Variants in SNX9 observed in about 807,000 individuals in gnomAD.
SNX9 encodes sorting nexin 9, also known as sorting nexin-9.
Under a neutral mutation model 89.4 loss-of-function variants are expected in SNX9, and 44 were observed. The ratio of observed to expected loss-of-function variants is 0.49; its 90% CI spans 0.39 to 0.63. The LOEUF (loss-of-function observed/expected upper bound fraction) is 0.63, where lower values mean the gene tolerates loss of function less well. Ranked by LOEUF, SNX9 falls within the 30% of genes least tolerant of loss-of-function variation. SNX9 has a pLI of 0.00. For synonymous variants in SNX9, 236 were observed against 247.8 expected (o/e 0.95, Z 0.45); for missense variants, 578 against 736.1 (o/e 0.79, Z 2.49).
chr6:157,862,283 G>A (rs1191384274), intron 1 of SNX9, among the ~76,000 whole-genome samples: 2 of 152,134 alleles, frequency 1.3e-5, no homozygotes, highest in Non-Finnish European at 2.9e-5. Flanking sequence ...AGTAAGTTCT[G>A]TTTCTTCTGA....
intron 1 of SNX9, among the ~76,000 whole-genome samples, chr6:157,867,060 C>T (rs113608889): frequency 4.0e-4 from 61 of 152,010 alleles, no homozygotes; most frequent in Non-Finnish European, 7.5e-4. Context: ...GCAATCCTCC[C>T]GCCTCAGTTT....
rs1395439248 is a variant in SNX9, at chr6:157,931,271, A to ACC, written c.1289-923_1289-922insCC. 5.3e-5 allele frequency among the ~76,000 whole-genome samples: 8 copies of ACC among 151,216 alleles called. No individual in the cohort carries two copies. The South Asian group carries it at 1.7e-3, about 31-fold the overall frequency. ...ACAGGGGTACAATTTATTAAAATTA[A>ACC]CTGAGCTCGTGTAATTTGGATTCAT... On this transcript the variant is annotated intron_variant, in intron 12 of 17. Coordinates refer to ENST00000392185, the MANE Select transcript of SNX9 (RefSeq NM_016224.5).
At chr6:157,928,181 G>T (rs901380918) in intron 11 of SNX9, among the ~76,000 whole-genome samples, 19 of 152,250 alleles carry the variant, frequency 1.2e-4, no homozygotes, top group African/African-American at 4.3e-4. Context: ...GTATCTTTAG[G>T]ATCACTTAGG....
chr6:157,844,587 G>GTTTTTTTGTTTTGTTTTTTTT (rs1554291784), intron 1 of SNX9, among the ~76,000 whole-genome samples: 1 of 130,298 alleles, frequency 7.7e-6, no homozygotes, highest in Non-Finnish European at 1.6e-5. Flanking sequence ...GCTAATCCTT[G>GTTTTTTTGTTTTGTTTTTTTT]TTTTTTTTTT....
chr6:157,925,420 A>T (rs1783672052), intron 10 of SNX9, among the ~76,000 whole-genome samples: 1 of 152,004 alleles, frequency 6.6e-6, no homozygotes, highest in Non-Finnish European at 1.5e-5. Context: ...TAATTTGGAA[A>T]AGTTTGGCAT....
intron 1 of SNX9, among the ~76,000 whole-genome samples, chr6:157,839,531 A>G (rs1045190634): frequency 2.0e-5 from 3 of 152,236 alleles, no homozygotes; most frequent in Non-Finnish European, 4.4e-5. Flanking sequence ...GTAAAATACA[A>G]ATAATTGAAT....
chr6:157,914,380 T>G (rs978077057), intron 9 of SNX9, among the ~76,000 whole-genome samples: 5 of 151,998 alleles, frequency 3.3e-5, no homozygotes, highest in African/African-American at 1.2e-4. Context: ...AAAATATATA[T>G]ATGTATTTTC....
Position 157,909,895 on chromosome 6 carries a change from C to T in SNX9, c.832-13C>T. On this transcript the variant is annotated splice_polypyrimidine_tract_variant and intron_variant, in intron 8 of 17. Transcript: ENST00000392185. ...TGGCATTGGTAACCTTTTCTCTTTCCCTTATTTTGTAGAACACTAATCGAT... is the reference window on the plus strand; with the variant it reads ...TGGCATTGGTAACCTTTTCTCTTTCTCTTATTTTGTAGAACACTAATCGAT... The T allele has an allele frequency of 6.2e-7, 1 of 1,613,154 alleles. No homozygotes were observed. The highest frequency in any genetic ancestry group is 8.5e-7 in the Non-Finnish European group (1 of 1,179,390).
chr6:157,894,822 A>T (rs1268029977), intron 4 of SNX9, among the ~76,000 whole-genome samples: 1 of 152,196 alleles, frequency 6.6e-6, no homozygotes, highest in Admixed American at 6.5e-5. Flanking sequence ...CCTTAAGCCT[A>T]GCATTTTTTC....
rs572374919 is a variant in SNX9 at position 157,924,915 on chromosome 6, G to A, written c.1081-2196G>A. Among the ~76,000 whole-genome samples the A allele has an allele frequency of 7.2e-5, 11 of 152,010 alleles. No individual in the cohort carries two copies. In the South Asian group the frequency reaches 8.3e-4, roughly 11 times the overall value. ...CTTGAAAATGAATTCCATGTGGCTC[G>A]CAGATTTAAATGTGAAAAGCAACAT... On this transcript the variant is annotated intron_variant, in intron 10 of 17. Transcript: ENST00000392185.
rs577964709 is a variant in SNX9, at chr6:157,867,371, T to C, written c.13-176T>C. On this transcript the variant is annotated intron_variant, in intron 1 of 17. Coordinates refer to ENST00000392185, the MANE Select transcript of SNX9 (RefSeq NM_016224.5). ...ACAGGGCTATCACCGTTGGTGTTAT[T>C]CTTCCTCAGAGTAGAGCAGATGAGT... 1.4e-3 allele frequency among the ~76,000 whole-genome samples: 210 copies of C among 152,338 alleles called. 1 individual carries two copies. Among genetic ancestry groups the C allele is most frequent in the Non-Finnish European group, 2.2e-4 (15 of 68,020 alleles).
chr6:157,891,085 G>A (rs112353167), intron 4 of SNX9, among the ~76,000 whole-genome samples: 4,204 of 137,404 alleles, frequency 0.031, 204 homozygotes, highest in African/African-American at 0.11. Flanking sequence ...AGGCTGGAGT[G>A]TAGTGGTGTG....
At chr6:157,888,059 T>TTGGCCTTTCCTCC (rs112145320) in intron 4 of SNX9, among the ~76,000 whole-genome samples, 137 of 152,180 alleles carry the variant, frequency 9.0e-4, no homozygotes, top group East Asian at 3.3e-3. Flanking sequence ...CCGGGAGACA[T>TTGGCCTTTCCTCC]TGTGTTCACA....
At chr6:157,938,215 A>AG (rs1327673581) in intron 15 of SNX9, among the ~76,000 whole-genome samples, 2 of 152,248 alleles carry the variant, frequency 1.3e-5, no homozygotes, top group African/African-American at 4.8e-5. Flanking sequence ...CTTAGGCACT[A>AG]GCTTATAAAA....
At chr6:157,841,984 C>T (rs141642941) in intron 1 of SNX9, among the ~76,000 whole-genome samples, 155 of 152,254 alleles carry the variant, frequency 1.0e-3, no homozygotes, top group African/African-American at 3.7e-3. Flanking sequence ...TCTAGCCTCC[C>T]CTCCCCTATT....
chr6:157,840,560 G>A (rs1326899658), intron 1 of SNX9, among the ~76,000 whole-genome samples: 4 of 151,134 alleles, frequency 2.6e-5, no homozygotes, highest in African/African-American at 9.7e-5. Flanking sequence ...GCTAACTGCA[G>A]GAGTTAACAG....
At chr6:157,824,624 G>A (rs1329932725) in intron 1 of SNX9, among the ~76,000 whole-genome samples, 7 of 152,210 alleles carry the variant, frequency 4.6e-5, no homozygotes, top group Non-Finnish European at 8.8e-5. Context: ...CGGTCTGCTA[G>A]ATGTTGTGCT....
intron 9 of SNX9, among the ~76,000 whole-genome samples, chr6:157,916,161 A>G (rs1193878606): frequency 6.6e-6 from 1 of 151,698 alleles, no homozygotes; most frequent in Non-Finnish European, 1.5e-5. Flanking sequence ...CAGCCTCCCG[A>G]GTAGCTGGGA....
intron 5 of SNX9, among the ~76,000 whole-genome samples, chr6:157,898,554 G>C (rs1344228497): frequency 6.6e-6 from 1 of 152,198 alleles, no homozygotes; most frequent in African/African-American, 2.4e-5. Context: ...GGCTCATCCT[G>C]CTGGTTTAAG....
Sources: gnomAD v4.1 joint callset for allele counts (sites outside exome capture counted in the v4.1 genomes callset) on GRCh38, gnomAD v4.1.1 for gene constraint, MANE v1.5 for transcripts, NCBI Gene and HGNC (gene_info 2026-07-23, HGNC 2026-07-21) for gene names.